Variants in LNPK observed in about 807,000 individuals in gnomAD.
LNPK encodes lunapark, ER junction formation factor.
A neutral mutation model predicts 55.2 loss-of-function variants in LNPK; 29 were observed. The observed-to-expected ratio is 0.53, with a 90% CI of 0.39 to 0.72. LNPK has a LOEUF of 0.72. Ranked by LOEUF, LNPK falls within the 30% of genes least tolerant of loss-of-function variation. LNPK has a pLI of 0.00. For synonymous variants in LNPK, 162 were observed against 168.2 expected (o/e 0.96, Z 0.29); for missense variants, 467 against 494.8 (o/e 0.94, Z 0.53).
At position 175,992,276 on chromosome 2, in the gene LNPK, G is replaced by A. The variant is rs1467432972; in HGVS notation, c.212C>T (p.Thr71Ile). The A allele has an allele frequency of 6.4e-7, 1 of 1,567,416 alleles. No individual in the cohort carries two copies. The highest frequency in any genetic ancestry group is 2.1e-5 in the Admixed American group (1 of 48,076). The change falls in exon 4 of 13, where the codon ACA becomes ATA. Residue 71 changes from threonine (T) to isoleucine (I), a missense_variant. Transcript: ENST00000272748. ...TGGGAGTGTCATGGCAAGTCTTGCT[G>A]TAAATTCATCAGGAAGATACCACAA... ...VYLWYLPDEF[T>I]ARLAMTLPFF...
At chr2:175,951,840 A>G (rs929243389) in intron 8 of LNPK, among the ~76,000 whole-genome samples, 10 of 151,876 alleles carry the variant, frequency 6.6e-5, no homozygotes, top group Non-Finnish European at 4.4e-5. Context: ...GTACTAGTTT[A>G]CATTCCCACC....
intron 4 of LNPK, among the ~76,000 whole-genome samples, chr2:175,991,002 T>G (rs1559073936): frequency 6.6e-6 from 1 of 152,186 alleles, no homozygotes; most frequent in Non-Finnish European, 1.5e-5. Flanking sequence ...AATTAGTATA[T>G]AATTTATTTG....
At position 175,929,202 on chromosome 2, in the gene LNPK, T is replaced by C. The variant is rs1684150994; in HGVS notation, c.*765A>G. 1 of 956,164 alleles carries C rather than the reference T, an allele frequency of 1.0e-6. No homozygotes were observed. The allele number at this position is 956,164 out of a possible 1,614,324, so 59.2% of individuals were successfully genotyped here. ...CTTATATATCATCATTTTATACTTA[T>C]AAATAATGCTCAGAATTCAAATAGG... is the stretch of plus-strand genomic sequence containing the variant. On this transcript the variant is annotated 3_prime_UTR_variant, in exon 13 of 13. Transcript: ENST00000272748.
Position 175,928,653 on chromosome 2 carries a change from G to A in LNPK, c.*1314C>T, listed in dbSNP as rs1684125951. ...AGCCAAACACACCATTCTTATACAG[G>A]TATATTTTTCCCTTCAGCATAATAA... On this transcript the variant is annotated 3_prime_UTR_variant, in exon 13 of 13. Coordinates refer to ENST00000272748, the MANE Select transcript of LNPK (RefSeq NM_030650.3). 1 of 151,854 alleles carries A rather than the reference G, an allele frequency of 6.6e-6. No homozygotes were observed. The allele number at this position is 151,854 out of a possible 1,614,324, so 9.4% of individuals were successfully genotyped here. A position where few individuals can be genotyped will look rare whatever the true frequency, so the allele number is the denominator to read the frequency against.
intron 5 of LNPK, among the ~76,000 whole-genome samples, chr2:175,978,840 T>G (rs997102980): frequency 9.2e-5 from 14 of 152,162 alleles, no homozygotes; most frequent in African/African-American, 3.4e-4. Context: ...CTTTGACAGA[T>G]AAGTAGGAAG....
chr2:175,950,132 T>A (rs1559039027), intron 8 of LNPK, among the ~76,000 whole-genome samples: 1 of 152,032 alleles, frequency 6.6e-6, no homozygotes, highest in African/African-American at 2.4e-5. Context: ...CCGTAGTATG[T>A]TTTAACACCC....
intron 5 of LNPK, among the ~76,000 whole-genome samples, chr2:175,977,598 G>T (rs1442434454): frequency 6.6e-6 from 1 of 152,140 alleles, no homozygotes; most frequent in African/African-American, 2.4e-5. Context: ...GCTATTAAGA[G>T]ATCAAGCTGT....
intron 8 of LNPK, among the ~76,000 whole-genome samples, chr2:175,953,940 C>A (rs892383378): frequency 6.6e-6 from 1 of 151,916 alleles, no homozygotes; most frequent in Non-Finnish European, 1.5e-5. Context: ...TTCATATGAC[C>A]CCTACTTTCC....
In LNPK at chr2:175,992,171, A is replaced by T. The variant is rs988451589; in HGVS notation, c.257+60T>A. The T allele has an allele frequency of 1.3e-5, 13 of 1,033,136 alleles. No individual in the cohort carries two copies. In the South Asian group the frequency reaches 2.2e-4, roughly 17 times the overall value. 64.0% of individuals were successfully genotyped at this position (1,033,136 alleles called of 1,614,324 possible). On this transcript the variant is annotated intron_variant, in intron 4 of 12. Coordinates refer to ENST00000272748, the MANE Select transcript of LNPK (RefSeq NM_030650.3). ...AAGAGACCGAATATACATATTAGAT[A>T]TACATTAAGACTCTCTAGTCAGAAA...
chr2:175,951,777 T>G (rs1028613002), intron 8 of LNPK, among the ~76,000 whole-genome samples: 1 of 151,780 alleles, frequency 6.6e-6, no homozygotes, highest in African/African-American at 2.4e-5. Flanking sequence ...GATCAAATGG[T>G]AGTTCTACTT....
intron 4 of LNPK, among the ~76,000 whole-genome samples, 185 bp downstream of exon 4, chr2:175,992,046 T>G (rs1396493297): frequency 6.6e-6 from 1 of 152,142 alleles, no homozygotes; most frequent in Non-Finnish European, 1.5e-5. Flanking sequence ...TCAGGTATAT[T>G]GGATTACAAA....
intron 8 of LNPK, among the ~76,000 whole-genome samples, chr2:175,958,077 C>T (rs765345152): frequency 6.5e-4 from 99 of 152,322 alleles, no homozygotes; most frequent in Non-Finnish European, 1.2e-3. Flanking sequence ...TGGGTGGAGT[C>T]CACCTCAGCT....
At chr2:175,959,742 C>A (rs201532853) in intron 8 of LNPK, among the ~76,000 whole-genome samples, 4 of 151,978 alleles carry the variant, frequency 2.6e-5, no homozygotes, top group African/African-American at 7.3e-5. Flanking sequence ...GGGCTAAATG[C>A]CCCAATTAAA....
intron 12 of LNPK, chr2:175,932,030 C>G (rs1684303226): frequency 5.3e-6 from 2 of 375,924 alleles, no homozygotes; most frequent in Non-Finnish European, 5.3e-6. Flanking sequence ...CTGAAACAAA[C>G]CAATAAAGCC....
intron 1 of LNPK, among the ~76,000 whole-genome samples, chr2:175,997,384 T>A (rs1478252168): frequency 1.2e-4 from 18 of 152,116 alleles, no homozygotes; most frequent in Admixed American, 1.2e-3. Context: ...AGTAAGTAAA[T>A]CTAAAAACCC....
At chr2:175,953,243 C>T (rs1359309432) in intron 8 of LNPK, among the ~76,000 whole-genome samples, 3 of 151,996 alleles carry the variant, frequency 2.0e-5, no homozygotes, top group East Asian at 3.9e-4. Context: ...GTAGTTCTGT[C>T]TTAGGTGCTC....
At position 175,947,432 on chromosome 2, in the gene LNPK, C is replaced by T. The variant is rs1413029773; in HGVS notation, c.706+48G>A. On this transcript the variant is annotated intron_variant, in intron 9 of 12. Transcript: ENST00000272748. Reference sequence around the variant, plus strand: ...TGAAAATGGCCCGTTTTATTGGTAACCAGAGAAAACAATATAAACTGTAAA... The same window carrying T: ...TGAAAATGGCCCGTTTTATTGGTAATCAGAGAAAACAATATAAACTGTAAA... The T allele has an allele frequency of 2.0e-6, 3 of 1,511,178 alleles. No homozygotes were observed. The Admixed American group carries it at 5.2e-5, about 26-fold the overall frequency. 93.6% of individuals were successfully genotyped at this position (1,511,178 alleles called of 1,614,324 possible). A position where few individuals can be genotyped will look rare whatever the true frequency, so the allele number is the denominator to read the frequency against.
At chr2:175,965,824 G>C (rs981428765) in intron 6 of LNPK, among the ~76,000 whole-genome samples, 2 of 151,924 alleles carry the variant, frequency 1.3e-5, no homozygotes, top group Non-Finnish European at 2.9e-5. Context: ...TAGGAACAGA[G>C]GTAGAAAGAG....
chr2:175,930,471 A>C (rs1019653251), intron 12 of LNPK, among the ~76,000 whole-genome samples: 50 of 152,302 alleles, frequency 3.3e-4, no homozygotes, highest in African/African-American at 1.1e-3. Context: ...ATTTTCATAC[A>C]AAATAAGTTA....
Sources: gnomAD v4.1 joint callset for allele counts (sites outside exome capture counted in the v4.1 genomes callset) on GRCh38, gnomAD v4.1.1 for gene constraint, MANE v1.5 for transcripts, NCBI Gene and HGNC (gene_info 2026-07-23, HGNC 2026-07-21) for gene names.